The following ANKRD36B variants were observed in gnomAD, a reference collection of about 807,000 sequenced individuals.
The protein encoded by ANKRD36B is ankyrin repeat domain-containing protein 36B.
A neutral mutation model predicts 135.7 loss-of-function variants in ANKRD36B; 37 were observed. The ratio of observed to expected loss-of-function variants is 0.27; its 90% CI spans 0.21 to 0.36. The LOEUF is 0.36. Among genes scored for constraint, ANKRD36B ranks in the 10% least tolerant of loss-of-function variants. ANKRD36B has a pLI of 1.00. For missense variants in ANKRD36B, 549 were observed against 1,037.1 expected (o/e 0.53, Z 6.46); for synonymous variants, 179 against 348.1 (o/e 0.51, Z 5.41).
intron 6 of ANKRD36B, among the ~76,000 whole-genome samples, chr2:97,574,035 C>A (rs1298402314): frequency 3.8e-4 from 57 of 151,988 alleles, no homozygotes; most frequent in Admixed American, 2.7e-3. Flanking sequence ...AAAATTGACA[C>A]ATGGGATCTA....
intron 35 of ANKRD36B, among the ~76,000 whole-genome samples, chr2:97,528,577 G>C (rs2078362264): frequency 1.1e-5 from 1 of 93,620 alleles, no homozygotes; most frequent in African/African-American, 3.2e-5. Context: ...AGGAAATAGA[G>C]ACACAAAAAA....
intron 3 of ANKRD36B, among the ~76,000 whole-genome samples, chr2:97,584,304 C>G (rs1573091828): frequency 1.6e-5 from 2 of 121,966 alleles, no homozygotes; most frequent in Admixed American, 1.8e-4. Flanking sequence ...ATAATCATCC[C>G]CAAAACTGAA....
chr2:97,542,030 C>T (rs1227508060), intron 27 of ANKRD36B, 47 bp from the exon 28 acceptor site: 1 of 653,432 alleles, frequency 1.5e-6, no homozygotes, highest in East Asian at 2.9e-5. Context: ...AGTATATATT[C>T]ATAGACTATA....
At chr2:97,544,837 T>C (rs188550635) in intron 24 of ANKRD36B, among the ~76,000 whole-genome samples, 3 of 96,848 alleles carry the variant, frequency 3.1e-5, no homozygotes, top group South Asian at 4.7e-4. Context: ...AAAAAGTCTT[T>C]TTTGGAGTAT....
At position 97,557,227 on chromosome 2, in the gene ANKRD36B, G is replaced by A. The variant is rs1257828736; in HGVS notation, c.968-95C>T. 2.7e-5 allele frequency: 40 copies of A among 1,485,656 alleles called. 1 individual carries two copies. Among genetic ancestry groups the A allele is most frequent in the African/African-American group, 8.5e-5 (6 of 70,542 alleles). The allele number at this position is 1,485,656 out of a possible 1,614,324, so 92.0% of individuals were successfully genotyped here. On this transcript the variant is annotated intron_variant, in intron 10 of 43. Coordinates refer to ENST00000359901, the MANE Select transcript of ANKRD36B (RefSeq NM_001393939.1). ...TGTTAGCATCAAGCTGTATCCTCCCGCCTGCACTAGTGTAGGATTTGATGT... is the reference window on the plus strand; with the variant it reads ...TGTTAGCATCAAGCTGTATCCTCCCACCTGCACTAGTGTAGGATTTGATGT...
At position 97,585,050 on chromosome 2, in the gene ANKRD36B, G is replaced by A. The variant is rs1310411445; in HGVS notation, c.344C>T (p.Thr115Met). Residue 115 changes from threonine (T) to methionine (M), a missense_variant, in exon 3 of 44, where the codon ACG (threonine) becomes ATG (methionine). Physicochemically the swap from Thr to Met is moderately conservative, Grantham distance 81 (BLOSUM62 -1). Transcript: ENST00000359901. Reference sequence around the variant, plus strand: ...CAGAGCAGTCCTTCCAAAGACATCCGTAATATTTGGATCGGCGCCATTTTG... The same window carrying A: ...CAGAGCAGTCCTTCCAAAGACATCCATAATATTTGGATCGGCGCCATTTTG... ...LLQNGADPNITDVFGRTALHY... is the reference protein window; with the variant it reads ...LLQNGADPNIMDVFGRTALHY... 42 of 1,612,198 alleles carry A rather than the reference G, an allele frequency of 2.6e-5. No homozygotes were observed. The highest frequency in any genetic ancestry group is 3.3e-5 in the Admixed American group (2 of 59,980).
rs761625476 is a variant in ANKRD36B, at chr2:97,585,029, G to A, written c.365C>T (p.Ala122Val). 2 of 1,611,356 alleles carry A rather than the reference G, an allele frequency of 1.2e-6. No homozygotes were observed. Among genetic ancestry groups the A allele is most frequent in the Admixed American group, 1.7e-5 (1 of 59,970 alleles). The change falls in exon 3 of 44, where the codon GCT becomes GTT. Residue 122 changes from alanine (A) to valine (V), a missense_variant. Ala to Val is a moderately conservative substitution (Grantham distance 64, BLOSUM62 0). Transcript: ENST00000359901. ...PNITDVFGRTALHYAVYNEDT... is the reference protein window; with the variant it reads ...PNITDVFGRTVLHYAVYNEDT... ...TTCATTATACACAGCGTAGTGCAGA[G>A]CAGTCCTTCCAAAGACATCCGTAAT...
Position 97,567,505 on chromosome 2 carries a change from A to C in ANKRD36B, c.764-6645T>G, listed in dbSNP as rs563770206. ...TAAGTCAATCATTAGCATACAAATGATATCATGTTGGAAATTCTGAGGATT... is the reference window on the plus strand; with the variant it reads ...TAAGTCAATCATTAGCATACAAATGCTATCATGTTGGAAATTCTGAGGATT... On this transcript the variant is annotated intron_variant, in intron 6 of 43. Transcript: ENST00000359901. Among the ~76,000 whole-genome samples, 15 of 152,180 alleles carry C rather than the reference A, an allele frequency of 9.9e-5. No homozygotes were observed. The South Asian group carries it at 3.1e-3, about 32-fold the overall frequency.
intron 6 of ANKRD36B, among the ~76,000 whole-genome samples, chr2:97,576,116 A>T (rs936845944): frequency 3.3e-5 from 5 of 150,764 alleles, no homozygotes; most frequent in Non-Finnish European, 7.4e-5. Flanking sequence ...TAACTTAAAA[A>T]TTTGTTTTCT....
intron 35 of ANKRD36B, among the ~76,000 whole-genome samples, chr2:97,525,813 T>C (rs2078171964): frequency 1.0e-5 from 1 of 97,424 alleles, no homozygotes; most frequent in South Asian, 2.3e-4. Context: ...AGCACAGCAG[T>C]CTGAGATCAA....
intron 18 of ANKRD36B, among the ~76,000 whole-genome samples, chr2:97,550,539 G>C (rs57523201): frequency 0.028 from 4,244 of 151,782 alleles, 193 homozygotes; most frequent in African/African-American, 0.096. Context: ...GTAGCTCCTT[G>C]AACAAGGAAG....
intron 3 of ANKRD36B, among the ~76,000 whole-genome samples, chr2:97,583,474 ATATTATT>A (rs1191145926): frequency 1.0e-5 from 1 of 100,068 alleles, no homozygotes; most frequent in Non-Finnish European, 2.0e-5. Context: ...AGTCAGGCCA[ATATTATT>A]GGAAAGGAGA....
intron 34 of ANKRD36B, among the ~76,000 whole-genome samples, chr2:97,534,055 CAAAAA>C (rs764863325): frequency 2.5e-5 from 1 of 40,772 alleles, no homozygotes; most frequent in South Asian, 4.6e-4. Context: ...GACTCCATCT[CAAAAA>C]AAAAAAAAAA....
chr2:97,566,630 A>C (rs2309176), intron 6 of ANKRD36B, among the ~76,000 whole-genome samples: 5 of 152,196 alleles, frequency 3.3e-5, no homozygotes, highest in East Asian at 1.9e-4. Flanking sequence ...TAACAGAATT[A>C]TATCAGACTG....
chr2:97,541,838 G>A lies in ANKRD36B; in HGVS notation c.1885+73C>T, dbSNP rs1438903454. 2.2e-5 allele frequency: 20 copies of A among 917,390 alleles called. 7 individuals are homozygous for A. In the Middle Eastern group the frequency reaches 8.8e-4, roughly 40 times the overall value. The allele number at this position is 917,390 out of a possible 1,614,324, so 56.8% of individuals were successfully genotyped here. A position where few individuals can be genotyped will look rare whatever the true frequency, so the allele number is the denominator to read the frequency against. On this transcript the variant is annotated intron_variant, in intron 28 of 43. Coordinates refer to ENST00000359901, the MANE Select transcript of ANKRD36B (RefSeq NM_001393939.1). The stretch of plus-strand genomic sequence containing the variant: ...AACATAAAGCTTCAATGAAACCCCC[G>A]CTGATTTATTTGGGGAAGTGAATTT...
intron 20 of ANKRD36B, among the ~76,000 whole-genome samples, chr2:97,548,923 C>T (rs1253041475): frequency 3.9e-4 from 59 of 151,954 alleles, no homozygotes; most frequent in African/African-American, 1.3e-3. Flanking sequence ...AAATGACTTC[C>T]TCTTTTCACA....
chr2:97,536,101 T>C (rs1397493042), intron 34 of ANKRD36B, among the ~76,000 whole-genome samples, 199 bp downstream of exon 34: 2 of 96,086 alleles, frequency 2.1e-5, no homozygotes, highest in African/African-American at 6.2e-5. Context: ...AAAAACCTTA[T>C]GTTTTAAAAA....
At chr2:97,564,164 T>TA (rs2081262778) in intron 6 of ANKRD36B, among the ~76,000 whole-genome samples, 11 of 151,390 alleles carry the variant, frequency 7.3e-5, no homozygotes, top group Admixed American at 1.3e-4. Context: ...TTTGCTTTTT[T>TA]TAAAAAAAAA....
At chr2:97,541,695 C>T in intron 28 of ANKRD36B, 1 of 480,540 alleles carries the variant, frequency 2.1e-6, no homozygotes, top group Non-Finnish European at 4.2e-6. Flanking sequence ...GTTATTCTTC[C>T]TAATTTCAAT....
Sources: allele counts gnomAD v4.1 joint callset (sites outside exome capture counted in the v4.1 genomes callset), GRCh38; gene constraint gnomAD v4.1.1; transcripts MANE v1.5; gene names NCBI Gene and HGNC (gene_info 2026-07-23, HGNC 2026-07-21).